The following GAD1 variants were observed in gnomAD, a reference collection of about 807,000 sequenced individuals.
GAD1 encodes 67 kDa glutamic acid decarboxylase.
GAD1 carries 35 observed loss-of-function variants against 75.2 expected under a neutral mutation model. The ratio of observed to expected loss-of-function variants is 0.47; its 90% CI spans 0.36 to 0.62. The LOEUF is 0.62. Among genes scored for constraint, GAD1 ranks in the 20% least tolerant of loss-of-function variants. GAD1 has a pLI of 0.00. For missense variants in GAD1, 490 were observed against 758.5 expected (o/e 0.65, Z 4.16); for synonymous variants, 257 against 271.9 (o/e 0.95, Z 0.54).
intron 6 of GAD1, among the ~76,000 whole-genome samples, chr2:170,838,032 A>G (rs879514184): frequency 6.6e-5 from 10 of 152,244 alleles, no homozygotes; most frequent in Non-Finnish European, 1.2e-4. Context: ...AGAATACTTA[A>G]CTATATTCAG....
chr2:170,851,756 G>C (rs112115020), intron 12 of GAD1, among the ~76,000 whole-genome samples: 12 of 152,312 alleles, frequency 7.9e-5, no homozygotes, highest in African/African-American at 2.9e-4. Context: ...ATTAGACTTA[G>C]TTGTTTCTGT....
upstream of GAD1, among the ~76,000 whole-genome samples, chr2:170,813,870 G>T (rs899974919): frequency 2.0e-5 from 3 of 152,132 alleles, no homozygotes; most frequent in African/African-American, 7.2e-5. Flanking sequence ...CTGCAAGCTC[G>T]CAAATCCCTA....
Position 170,852,719 on chromosome 2 carries a change from A to G in GAD1, c.1190A>G (p.Asn397Ser), listed in dbSNP as rs374121915. 5 of 1,614,114 alleles carry G rather than the reference A, an allele frequency of 3.1e-6. No individual in the cohort carries two copies. Among genetic ancestry groups the G allele is most frequent in the East Asian group, 2.2e-5 (1 of 44,882 alleles). ...GTCTCATGTGCTTCTTTCAGGGCCA[A>G]CTCAGTCACCTGGAACCCTCACAAG... Reference protein sequence around the residue: ...RHKLNGIERANSVTWNPHKMM... With the variant: ...RHKLNGIERASSVTWNPHKMM... Residue 397 changes from asparagine (N) to serine (S), a missense_variant, in exon 13 of 17, where the codon AAC (asparagine) becomes AGC (serine). Transcript: ENST00000358196.
At position 170,859,970 on chromosome 2, in the gene GAD1, G is replaced by T; in HGVS notation, c.*88G>T. 8.4e-7 allele frequency: 1 copy of T among 1,195,556 alleles called. No homozygotes were observed. Among genetic ancestry groups the T allele is most frequent in the Non-Finnish European group, 1.2e-6 (1 of 816,242 alleles). 74.1% of individuals were successfully genotyped at this position (1,195,556 alleles called of 1,614,324 possible). A position where few individuals can be genotyped will look rare whatever the true frequency, so the allele number is the denominator to read the frequency against. ...CTCTATATGTTGCTGAAACACACAGGCCATTTCATTGAGGGAAAACATAAT... is the reference window on the plus strand; with the variant it reads ...CTCTATATGTTGCTGAAACACACAGTCCATTTCATTGAGGGAAAACATAAT... On this transcript the variant is annotated 3_prime_UTR_variant, in exon 17 of 17. Transcript: ENST00000358196.
intron 2 of GAD1, among the ~76,000 whole-genome samples, chr2:170,819,841 A>T (rs1378620882): frequency 6.6e-6 from 1 of 152,202 alleles, no homozygotes; most frequent in East Asian, 1.9e-4. Context: ...ATCCTCATCA[A>T]TGAAGTGGGG....
chr2:170,850,802 T>TC (rs1452559668), intron 12 of GAD1, among the ~76,000 whole-genome samples: 2 of 152,116 alleles, frequency 1.3e-5, no homozygotes, highest in Non-Finnish European at 2.9e-5. Flanking sequence ...TTACTTGAGC[T>TC]CAGGAGTTCG....
chr2:170,845,459 A>G (rs760039773), intron 7 of GAD1, 47 bp from the exon 8 acceptor site: 32 of 1,535,888 alleles, frequency 2.1e-5, no homozygotes, highest in Non-Finnish European at 2.6e-5. Context: ...TTTAGAAACA[A>G]TAATCAAAGA....
chr2:170,860,169 T>C lies in GAD1; in HGVS notation c.*287T>C, dbSNP rs1205279685. ...TGTGGCTTAGTAATAGATCACGGCA[T>C]GTTTCCCGCTCCAAGAGAATTCACT... On this transcript the variant is annotated 3_prime_UTR_variant, in exon 17 of 17. Coordinates refer to ENST00000358196, the MANE Select transcript of GAD1 (RefSeq NM_000817.3). The C allele has an allele frequency of 2.9e-6, 1 of 339,108 alleles. No homozygotes were observed. The highest frequency in any genetic ancestry group is 2.1e-5 in the African/African-American group (1 of 47,372). 21.0% of individuals were successfully genotyped at this position (339,108 alleles called of 1,614,324 possible).
intron 6 of GAD1, among the ~76,000 whole-genome samples, chr2:170,840,419 T>C (rs1039816720): frequency 1.3e-5 from 2 of 152,216 alleles, no homozygotes; most frequent in African/African-American, 2.4e-5. Context: ...AGTATCAGGA[T>C]AGAGTCAGCA....
intron 4 of GAD1, 92 bp from the exon 5 acceptor site, chr2:170,830,858 T>G (rs547539829): frequency 9.8e-6 from 15 of 1,523,014 alleles, no homozygotes; most frequent in Non-Finnish European, 1.4e-5. Context: ...ATCAGGCCTA[T>G]ACAGATAGCA....
In GAD1 at chr2:170,860,564, A is replaced by T. The variant is rs987941806; in HGVS notation, c.*682A>T. ...ATGATTTCAATGATTGTTTAATTGT[A>T]GGTCAATGAAATATTTGCTTATTTA... On this transcript the variant is annotated 3_prime_UTR_variant, in exon 17 of 17. Coordinates refer to ENST00000358196, the MANE Select transcript of GAD1 (RefSeq NM_000817.3). The T allele has an allele frequency of 1.3e-5, 2 of 152,864 alleles. No individual in the cohort carries two copies. The highest frequency in any genetic ancestry group is 2.9e-5 in the Non-Finnish European group (2 of 68,210). 9.5% of individuals were successfully genotyped at this position (152,864 alleles called of 1,614,324 possible).
At chr2:170,852,685 C>G in intron 12 of GAD1, 29 bp from the exon 13 acceptor site, 1 of 1,602,140 alleles carries the variant, frequency 6.2e-7, no homozygotes, top group South Asian at 1.1e-5. Flanking sequence ...ACTCCTGCAC[C>G]TTCTCGAAGT....
intron 3 of GAD1, among the ~76,000 whole-genome samples, chr2:170,823,198 G>A (rs905685287): frequency 6.6e-6 from 1 of 152,200 alleles, no homozygotes; most frequent in Admixed American, 6.5e-5. Context: ...CAGCTCCTGC[G>A]CGCGGGAGAT....
At chr2:170,857,161 C>T (rs1190805665) in intron 15 of GAD1, 36 bp downstream of exon 15, 6 of 1,521,046 alleles carry the variant, frequency 3.9e-6, no homozygotes, top group African/African-American at 1.4e-5. Flanking sequence ...CACAGTATTT[C>T]CAGAAAAACT....
intron 5 of GAD1, among the ~76,000 whole-genome samples, chr2:170,832,547 C>T (rs2105781179): frequency 6.6e-6 from 1 of 152,262 alleles, no homozygotes; most frequent in Non-Finnish European, 1.5e-5. Context: ...GGGATTAGGA[C>T]TTGAACATAT....
At chr2:170,817,334 T>G (rs1024978877) in intron 1 of GAD1, 2 of 151,280 alleles carry the variant, frequency 1.3e-5, no homozygotes, top group African/African-American at 4.8e-5. Flanking sequence ...CAAGAGCGAT[T>G]TTCCCTTGAG....
In GAD1 at chr2:170,818,984, C is replaced by G. The variant is rs1426361403; in HGVS notation, c.82+311C>G. Among the ~76,000 whole-genome samples the G allele has an allele frequency of 6.6e-6, 1 of 152,060 alleles. No individual in the cohort carries two copies. The highest frequency in any genetic ancestry group is 1.5e-5 in the Non-Finnish European group (1 of 68,022). On this transcript the variant is annotated intron_variant, in intron 2 of 16. Transcript: ENST00000358196. The surrounding 1 kb of genome is among the most constrained non-coding windows in gnomAD (Gnocchi z 5.9). ...TCTGTTGTGTGTGGTTTCTTTGCTCCGTGGGACGACAGGGGTCAGCGCAGG... is the reference window on the plus strand; with the variant it reads ...TCTGTTGTGTGTGGTTTCTTTGCTCGGTGGGACGACAGGGGTCAGCGCAGG...
intron 3 of GAD1, among the ~76,000 whole-genome samples, chr2:170,826,641 G>C (rs1702032187): frequency 1.3e-5 from 2 of 151,894 alleles, no homozygotes; most frequent in Non-Finnish European, 2.9e-5. Context: ...GAGAGCCTGT[G>C]TCAAAACCTC....
chr2:170,845,454 A>C, intron 7 of GAD1, 52 bp from the exon 8 acceptor site: 3 of 1,516,992 alleles, frequency 2.0e-6, no homozygotes, highest in Middle Eastern at 2.3e-4. Context: ...TCGTTTTTAG[A>C]AACAATAATC....
Sources: gnomAD v4.1 joint callset for allele counts (sites outside exome capture counted in the v4.1 genomes callset) on GRCh38, gnomAD v4.1.1 for gene constraint, Gnocchi (gnomAD v3.1) non-coding constraint, MANE v1.5 for transcripts, NCBI Gene and HGNC (gene_info 2026-07-23, HGNC 2026-07-21) for gene names.